MNT: variants seen among roughly 807,000 people sequenced by gnomAD.
The protein encoded by MNT is MAX network transcriptional repressor.
Under a neutral mutation model 40.7 loss-of-function variants are expected in MNT, and 13 were observed. That is an observed-to-expected ratio of 0.32 (90% confidence interval 0.21 to 0.51). MNT has a LOEUF of 0.51. Ranked by LOEUF, MNT falls within the 20% of genes least tolerant of loss-of-function variation. The pLI is 0.98. For synonymous variants in MNT, 426 were observed against 354.8 expected, an observed-to-expected ratio of 1.20 and a Z score of -2.26; for missense variants, 757 against 792.0, an observed-to-expected ratio of 0.96 and a Z score of 0.53.
intron 4 of MNT, chr17:2,389,982 G>C (rs2066500012): frequency 6.6e-6 from 1 of 151,968 alleles, no homozygotes; most frequent in African/African-American, 2.4e-5. Context: ...GTGAAGAAAA[G>C]AGCCCCATCT....
Position 2,388,060 on chromosome 17 carries a change from G to C in MNT, c.808-11C>G. ...CTTCCTCTTCAGGGACTGGCACACAGAGTAAGGGACAGCAGGACACCCTGA... is the reference window on the plus strand; with the variant it reads ...CTTCCTCTTCAGGGACTGGCACACACAGTAAGGGACAGCAGGACACCCTGA... On this transcript the variant is annotated splice_polypyrimidine_tract_variant and intron_variant, in intron 4 of 5. Transcript: ENST00000174618. 1.3e-6 allele frequency: 2 copies of C among 1,550,656 alleles called. No homozygotes were observed. Among genetic ancestry groups the C allele is most frequent in the Non-Finnish European group, 1.7e-6 (2 of 1,145,340 alleles).
intron 4 of MNT, chr17:2,389,489 G>A (rs1332334993): frequency 6.6e-6 from 1 of 152,052 alleles, no homozygotes; most frequent in African/African-American, 2.4e-5. Flanking sequence ...TGGTCAGGCT[G>A]GTCTCGAATT....
intron 1 of MNT, 98 bp downstream of exon 1, chr17:2,400,542 C>A: frequency 1.6e-6 from 2 of 1,250,228 alleles, no homozygotes; most frequent in African/African-American, 1.6e-5. Flanking sequence ...GCAGGCCGCC[C>A]GGGAGGGGGC....
chr17:2,393,881 C>T (rs2066549357), intron 4 of MNT, 162 bp downstream of exon 4: 1 of 372,436 alleles, frequency 2.7e-6, no homozygotes, highest in Non-Finnish European at 4.6e-6. Context: ...GCAGGGAGCC[C>T]CGCTGACGTC....
intron 4 of MNT, 165 bp downstream of exon 4, chr17:2,393,878 G>A (rs1170552645): frequency 3.1e-5 from 11 of 358,890 alleles, no homozygotes; most frequent in Non-Finnish European, 4.8e-5. Context: ...CGGGCAGGGA[G>A]CCCCGCTGAC....
intron 1 of MNT, among the ~76,000 whole-genome samples, chr17:2,396,119 G>C (rs913779494): frequency 6.6e-6 from 1 of 150,498 alleles, no homozygotes; most frequent in Non-Finnish European, 1.5e-5. Context: ...ATCCTCACAA[G>C]AGCCCCACGT....
chr17:2,400,456 A>G, intron 1 of MNT, 184 bp downstream of exon 1: 1 of 525,362 alleles, frequency 1.9e-6, no homozygotes, highest in South Asian at 2.6e-5. Flanking sequence ...TAATGAATTC[A>G]TTAATTAATT....
rs777135670 is a variant in MNT at position 2,394,880 on chromosome 17, G to A, written c.648C>T (p.Pro216=). The change falls in exon 2 of 6, where the codon CCC becomes CCT. Residue 216 remains proline, a synonymous_variant. Coordinates refer to ENST00000174618, the MANE Select transcript of MNT (RefSeq NM_020310.3). ...EVKSSEQKKR[P]GGIGTREVHN... is the part of the protein sequence containing the mutation. ...CCCCGCCACACCCCACTCACCCCCC[G>A]GGCCTCTTCTTCTGTTCACTGGATT... The A allele has an allele frequency of 4.4e-6, 7 of 1,578,384 alleles. No homozygotes were observed. Among genetic ancestry groups the A allele is most frequent in the African/African-American group, 1.3e-5 (1 of 74,194 alleles).
chr17:2,400,445 T>C, intron 1 of MNT, 195 bp downstream of exon 1: 1 of 507,482 alleles, frequency 2.0e-6, no homozygotes. Context: ...TCGCAGCATG[T>C]TAATGAATTC....
intron 4 of MNT, chr17:2,391,393 C>G (rs1380634889): frequency 6.6e-6 from 1 of 152,322 alleles, no homozygotes; most frequent in Non-Finnish European, 1.5e-5. Context: ...CAGTCCTGAA[C>G]TCAACCCACC....
chr17:2,393,849 C>T, intron 4 of MNT, 194 bp downstream of exon 4: 1 of 298,926 alleles, frequency 3.3e-6, no homozygotes, highest in Non-Finnish European at 6.0e-6. Flanking sequence ...GCGCCCTCCT[C>T]TGCGCACGCG....
chr17:2,387,646 C>T lies in MNT; in HGVS notation c.1004G>A (p.Gly335Asp). ...DQASTSTASE[G>D]EDNIDEDMEE... ...CATATCCTCGTCTATGTTGTCCTCA[C>T]CCTCTGTGGGGAACATGGGGCAGGG... is the stretch of plus-strand genomic sequence containing the variant. The change falls in exon 6 of 6, where the codon GGT becomes GAT. Residue 335 changes from glycine (G) to aspartate (D), a missense_variant. This residue lies in a region of MNT where 345 missense variants were observed against 380.1 expected (regional missense o/e 0.91). Transcript: ENST00000174618. 1.2e-6 allele frequency: 2 copies of T among 1,614,016 alleles called. No homozygotes were observed. Among genetic ancestry groups the T allele is most frequent in the South Asian group, 2.2e-5 (2 of 91,088 alleles).
rs868035885 is a variant in MNT at position 2,386,927 on chromosome 17, G to A, written c.1723C>T (p.Pro575Ser). The A allele has an allele frequency of 6.7e-7, 1 of 1,490,940 alleles. No homozygotes were observed. Among genetic ancestry groups the A allele is most frequent in the Non-Finnish European group, 8.9e-7 (1 of 1,118,086 alleles). 92.4% of individuals were successfully genotyped at this position (1,490,940 alleles called of 1,614,324 possible). A position where few individuals can be genotyped will look rare whatever the true frequency, so the allele number is the denominator to read the frequency against. Residue 575 changes from proline to serine, a missense_variant, in exon 6 of 6, where the codon CCA (proline) becomes TCA (serine). Pro to Ser is a moderately conservative substitution (Grantham distance 74, BLOSUM62 -1). Coordinates refer to ENST00000174618, the MANE Select transcript of MNT (RefSeq NM_020310.3). The stretch of plus-strand genomic sequence containing the variant: ...CAAGCCAGCTTGAGTGTGCTGACTG[G>A]GAAGGAGGGCATGGTGACCATGGTC... ...PVTMVTMPSFPVSTLKLA is the reference protein window; with the variant it reads ...PVTMVTMPSFSVSTLKLA
In MNT at chr17:2,385,705, G is replaced by C. The variant is rs1027331170; in HGVS notation, c.*1196C>G. 2 of 152,392 alleles carry C rather than the reference G, an allele frequency of 1.3e-5. No individual in the cohort carries two copies. The highest frequency in any genetic ancestry group is 2.9e-5 in the Non-Finnish European group (2 of 68,124). The allele number at this position is 152,392 out of a possible 1,614,324, so 9.4% of individuals were successfully genotyped here. ...AGGGTGTTGAGGGGATGGGAGGACA[G>C]AGGCAAAGGGGCTGGAGCAGAAGCA... is the stretch of plus-strand genomic sequence containing the variant. On this transcript the variant is annotated 3_prime_UTR_variant, in exon 6 of 6. Coordinates refer to ENST00000174618, the MANE Select transcript of MNT (RefSeq NM_020310.3).
intron 4 of MNT, among the ~76,000 whole-genome samples, chr17:2,393,522 GCCT>G (rs1387776949): frequency 6.6e-6 from 1 of 152,176 alleles, no homozygotes; most frequent in Non-Finnish European, 1.5e-5. Flanking sequence ...GGGCCGTGGC[GCCT>G]CCACGCGCGC....
rs1540582 is a variant in MNT, at chr17:2,386,405, A to G, written c.*496T>C. ...CAGAGCAAGGCCCCTTATCACCCCAATCCGCAGCTTTCTGGGCCAAGTGGC... is the reference window on the plus strand; with the variant it reads ...CAGAGCAAGGCCCCTTATCACCCCAGTCCGCAGCTTTCTGGGCCAAGTGGC... On this transcript the variant is annotated 3_prime_UTR_variant, in exon 6 of 6. Coordinates refer to ENST00000174618, the MANE Select transcript of MNT (RefSeq NM_020310.3). The G allele has an allele frequency of 0.087, 13,602 of 156,150 alleles. 779 individuals carry two copies. The highest frequency in any genetic ancestry group is 0.15 in the African/African-American group (6,359 of 41,590). The allele number at this position is 156,150 out of a possible 1,614,324, so 9.7% of individuals were successfully genotyped here.
Position 2,400,729 on chromosome 17 carries a change from G to C in MNT, c.-17C>G, listed in dbSNP as rs909964460. 6 of 1,536,322 alleles carry C rather than the reference G, an allele frequency of 3.9e-6. No individual in the cohort carries two copies. The highest frequency in any genetic ancestry group is 1.4e-5 in the African/African-American group (1 of 69,726). ...TATGCTCATCGCGCCGAGAGCTGCC[G>C]GGGGCGCGCCGGGGCCGAGGCTGCG... On this transcript the variant is annotated 5_prime_UTR_variant, in exon 1 of 6. Transcript: ENST00000174618.
rs35367394 is a variant in MNT, at chr17:2,394,277, GCACACACA to G, written c.695+20_695+27del. ...CCGGGTCGCGCGCGCACGCACGCAC[GCACACACA>G]CACACACACACACACACACCTGTTC... On this transcript the variant is annotated intron_variant, in intron 3 of 5. Coordinates refer to ENST00000174618, the MANE Select transcript of MNT (RefSeq NM_020310.3). The G allele has an allele frequency of 4.4e-5, 66 of 1,489,328 alleles. No homozygotes were observed. The highest frequency in any genetic ancestry group is 2.0e-4 in the Admixed American group (10 of 49,248). The allele number at this position is 1,489,328 out of a possible 1,614,324, so 92.3% of individuals were successfully genotyped here. A position where few individuals can be genotyped will look rare whatever the true frequency, so the allele number is the denominator to read the frequency against.
intron 1 of MNT, among the ~76,000 whole-genome samples, chr17:2,398,293 C>T (rs2066590418): frequency 6.6e-6 from 1 of 152,232 alleles, no homozygotes; most frequent in African/African-American, 2.4e-5. Context: ...GATAGCTCTG[C>T]CCTTTCCCCT....
Sources: allele counts gnomAD v4.1 joint callset (sites outside exome capture counted in the v4.1 genomes callset), GRCh38; gene constraint gnomAD v4.1.1; regional missense constraint gnomAD v4.1.1; transcripts MANE v1.5; gene names NCBI Gene and HGNC (gene_info 2026-07-23, HGNC 2026-07-21).